The following LY86 variants were observed in gnomAD, a reference collection of about 807,000 sequenced individuals.
The protein encoded by LY86 is MD-1, RP105-associated.
In LY86, 20 loss-of-function variants were observed where a neutral mutation model predicts 17.3. The ratio of observed to expected loss-of-function variants is 1.15; its 90% CI spans 0.81 to 1.68. The LOEUF (loss-of-function observed/expected upper bound fraction) is 1.68, where lower values mean the gene tolerates loss of function less well. Ranked by LOEUF, LY86 falls within the 40% of genes most tolerant of loss-of-function variation. The pLI is 0.00. For missense variants in LY86, 200 were observed against 191.9 expected (o/e 1.04, Z -0.25); for synonymous variants, 74 against 70.6 (o/e 1.05, Z -0.24).
chr6:6,619,979 G>A (rs1181197431), intron 1 of LY86, among the ~76,000 whole-genome samples: 2 of 152,128 alleles, frequency 1.3e-5, no homozygotes, highest in African/African-American at 4.8e-5. Flanking sequence ...TTGGCCATGA[G>A]TATGTGGAAG....
At chr6:6,637,628 C>A (rs3804485) in intron 3 of LY86, among the ~76,000 whole-genome samples, 64,275 of 151,988 alleles carry the variant, frequency 0.42, 14,626 homozygotes, top group African/African-American at 0.59. Context: ...ACATCACCCA[C>A]TTGGATCCCA....
chr6:6,589,796 T>TATCAGATTAG (rs888726993), intron 1 of LY86, among the ~76,000 whole-genome samples: 3 of 152,100 alleles, frequency 2.0e-5, no homozygotes, highest in African/African-American at 7.2e-5. Context: ...CCCACCTCCA[T>TATCAGATTAG]GGCCTCACTT....
At chr6:6,613,840 GCCTT>G (rs1761474823) in intron 1 of LY86, among the ~76,000 whole-genome samples, 1 of 152,172 alleles carries the variant, frequency 6.6e-6, no homozygotes, top group Non-Finnish European at 1.5e-5. Flanking sequence ...TGGTTTATCC[GCCTT>G]CCTTCAGTCA....
chr6:6,600,912 C>T (rs979879187), intron 1 of LY86, among the ~76,000 whole-genome samples: 13 of 152,196 alleles, frequency 8.5e-5, no homozygotes, highest in African/African-American at 1.9e-4. Flanking sequence ...AAGACAGGAA[C>T]GTCATTCTTC....
intron 3 of LY86, among the ~76,000 whole-genome samples, chr6:6,642,656 T>C (rs1001886372): frequency 6.6e-6 from 1 of 152,110 alleles, no homozygotes; most frequent in African/African-American, 2.4e-5. Flanking sequence ...ACTTACCAGC[T>C]CCAAGTCTTA....
intron 1 of LY86, among the ~76,000 whole-genome samples, chr6:6,602,857 TCAAG>T (rs1327484415): frequency 3.3e-5 from 5 of 152,174 alleles, no homozygotes; most frequent in South Asian, 2.1e-4. Context: ...CAGAAAGCCC[TCAAG>T]CAAAGAGTTA....
At chr6:6,642,105 C>T (rs907463898) in intron 3 of LY86, among the ~76,000 whole-genome samples, 33 of 152,246 alleles carry the variant, frequency 2.2e-4, no homozygotes, top group African/African-American at 8.0e-4. Flanking sequence ...GATGCCCACT[C>T]CAGCAGCCGG....
rs1760560659 is a variant in LY86 at position 6,592,511 on chromosome 6, GGAA to G, written c.136+3646_136+3648del. Among the ~76,000 whole-genome samples, 3 of 152,320 alleles carry G rather than the reference GGAA, an allele frequency of 2.0e-5. No individual in the cohort carries two copies. The South Asian group carries it at 6.2e-4, about 32-fold the overall frequency. ...ATTGGAAGGGGAAATAAGCAGCAGT[GGAA>G]GAAGCAGGGTGAGGGGAAGCATAAG... On this transcript the variant is annotated intron_variant, in intron 1 of 4. Transcript: ENST00000230568.
At chr6:6,641,893 C>A (rs1762045719) in intron 3 of LY86, among the ~76,000 whole-genome samples, 1 of 152,210 alleles carries the variant, frequency 6.6e-6, no homozygotes, top group Non-Finnish European at 1.5e-5. Context: ...GAGCTGATTA[C>A]CAGCACAGGG....
intron 1 of LY86, among the ~76,000 whole-genome samples, chr6:6,614,102 AGT>A (rs1320578823): frequency 6.6e-6 from 1 of 152,188 alleles, no homozygotes; most frequent in Non-Finnish European, 1.5e-5. Flanking sequence ...GAAGAAAATC[AGT>A]GTTTAGGAAA....
At chr6:6,599,948 C>T (rs1360539728) in intron 1 of LY86, among the ~76,000 whole-genome samples, 1 of 151,388 alleles carries the variant, frequency 6.6e-6, no homozygotes, top group Non-Finnish European at 1.5e-5. Flanking sequence ...AAACCAAGAC[C>T]AGACCCTCTC....
intron 3 of LY86, among the ~76,000 whole-genome samples, chr6:6,627,084 G>A (rs188490839): frequency 6.6e-5 from 10 of 152,024 alleles, no homozygotes; most frequent in Admixed American, 3.9e-4. Context: ...AGATGCTTCC[G>A]CGGTGTGGTT....
Position 6,600,514 on chromosome 6 carries a change from C to T in LY86, c.136+11644C>T, listed in dbSNP as rs1171189876. Among the ~76,000 whole-genome samples, 3 of 138,130 alleles carry T rather than the reference C, an allele frequency of 2.2e-5. No homozygotes were observed. The East Asian group carries it at 6.8e-4, about 31-fold the overall frequency. The allele number at this position is 138,130 out of a possible 152,430, so 90.6% of individuals were successfully genotyped here. ...CTGAGGCAGGGGAATCGCTTGAACC[C>T]GGGAGGCAGAGGTTGCAGTGAGTGG... On this transcript the variant is annotated intron_variant, in intron 1 of 4. Transcript: ENST00000230568.
intron 1 of LY86, among the ~76,000 whole-genome samples, chr6:6,612,056 G>A (rs1230388714): frequency 2.0e-5 from 3 of 152,052 alleles, no homozygotes; most frequent in Admixed American, 6.5e-5. Context: ...AATTGAAGAT[G>A]TTAAAAAGCC....
intron 3 of LY86, among the ~76,000 whole-genome samples, chr6:6,630,582 A>G (rs1237352965): frequency 6.6e-6 from 1 of 152,246 alleles, no homozygotes; most frequent in Non-Finnish European, 1.5e-5. Context: ...CTTAATGACC[A>G]CAACTAATTC....
At chr6:6,596,257 C>G (rs1418707337) in intron 1 of LY86, among the ~76,000 whole-genome samples, 1 of 152,136 alleles carries the variant, frequency 6.6e-6, no homozygotes, top group Non-Finnish European at 1.5e-5. Context: ...TGTAGCAGAA[C>G]CAACAGGATA....
At chr6:6,636,165 A>C (rs1278849318) in intron 3 of LY86, among the ~76,000 whole-genome samples, 2 of 152,180 alleles carry the variant, frequency 1.3e-5, no homozygotes, top group Non-Finnish European at 2.9e-5. Context: ...CAGGGACCAC[A>C]CTTTGAGAAC....
chr6:6,641,522 C>T (rs1279473530), intron 3 of LY86, among the ~76,000 whole-genome samples: 5 of 152,202 alleles, frequency 3.3e-5, no homozygotes, highest in African/African-American at 4.8e-5. Context: ...TGTCTTCTCC[C>T]AGAGTGTGAG....
intron 1 of LY86, among the ~76,000 whole-genome samples, chr6:6,590,109 A>G (rs1760477994): frequency 8.2e-6 from 1 of 121,918 alleles, no homozygotes; most frequent in Admixed American, 9.0e-5. Context: ...GAGGAGCGAA[A>G]CTCTGTCTTA....
Sources: gnomAD v4.1 joint callset for allele counts (sites outside exome capture counted in the v4.1 genomes callset) on GRCh38, gnomAD v4.1.1 for gene constraint, MANE v1.5 for transcripts, NCBI Gene and HGNC (gene_info 2026-07-23, HGNC 2026-07-21) for gene names.